The following HIKESHI variants were observed in gnomAD, a reference collection of about 807,000 sequenced individuals.
HIKESHI encodes heat shock protein nuclear import factor hikeshi, also known as protein Hikeshi.
HIKESHI carries 13 observed loss-of-function variants against 25.7 expected under a neutral mutation model. The observed-to-expected ratio is 0.51, with a 90% CI of 0.33 to 0.80. The LOEUF (loss-of-function observed/expected upper bound fraction) is 0.80. HIKESHI is among the 30% of genes least tolerant of loss of function. The probability of loss-of-function intolerance (pLI) is 0.02; values close to 1 mark genes in which losing one functional copy is unlikely to be tolerated. For synonymous variants in HIKESHI, 76 were observed against 78.7 expected, an observed-to-expected ratio of 0.97 and a Z score of 0.18; for missense variants, 174 against 229.5, an observed-to-expected ratio of 0.76 and a Z score of 1.56.
At chr11:86,315,167 A>G (rs1230336735) in intron 2 of HIKESHI, among the ~76,000 whole-genome samples, 2 of 152,212 alleles carry the variant, frequency 1.3e-5, no homozygotes, top group Non-Finnish European at 2.9e-5. Flanking sequence ...TTCTAGTAAA[A>G]TTACTGAACA....
intron 2 of HIKESHI, among the ~76,000 whole-genome samples, chr11:86,331,982 CTTT>C (rs796831448): frequency 6.2e-5 from 8 of 129,502 alleles, no homozygotes; most frequent in Non-Finnish European, 6.7e-5. Context: ...GTTTTCTTTT[CTTT>C]TTTTTTTTTT....
intron 2 of HIKESHI, among the ~76,000 whole-genome samples, chr11:86,320,440 C>T (rs1165418426): frequency 1.3e-5 from 2 of 151,956 alleles, no homozygotes; most frequent in Non-Finnish European, 2.9e-5. Flanking sequence ...GCTGGGCGTG[C>T]TGGCAGGCGC....
At chr11:86,339,506 T>C (rs1407195450) in intron 3 of HIKESHI, among the ~76,000 whole-genome samples, 1 of 152,236 alleles carries the variant, frequency 6.6e-6, no homozygotes, top group Non-Finnish European at 1.5e-5. Flanking sequence ...TTGCCACTAA[T>C]TTTTAAAAAA....
intron 2 of HIKESHI, among the ~76,000 whole-genome samples, chr11:86,333,575 G>C (rs1947475201): frequency 6.7e-6 from 1 of 149,658 alleles, no homozygotes; most frequent in Non-Finnish European, 1.5e-5. Flanking sequence ...AAAAAGAAAA[G>C]AAATATGGTA....
chr11:86,306,265 A>G lies in HIKESHI; in HGVS notation c.51A>G (p.Gln17=). The part of the protein sequence containing the change: ...AGRLVQTAAQ[Q]VAEDKFVFDL... ...TCTAGGTGCAAACAGCTGCACAGCA[A>G]GTGGCAGAGGATAAATTTGTTTTTG... is the stretch of plus-strand genomic sequence containing the variant. Residue 17 remains glutamine (Q), a synonymous_variant, in exon 2 of 5, where the codon CAA becomes CAG. Coordinates refer to ENST00000278483, the MANE Select transcript of HIKESHI (RefSeq NM_016401.4). 6.2e-7 allele frequency: 1 copy of G among 1,613,270 alleles called. No homozygotes were observed. Among genetic ancestry groups the G allele is most frequent in the Non-Finnish European group, 8.5e-7 (1 of 1,179,236 alleles).
chr11:86,345,834 T>C lies in HIKESHI; in HGVS notation c.*196T>C. The C allele has an allele frequency of 2.8e-6, 1 of 360,966 alleles. No homozygotes were observed. The highest frequency in any genetic ancestry group is 4.9e-6 in the Non-Finnish European group (1 of 203,154). 22.4% of individuals were successfully genotyped at this position (360,966 alleles called of 1,614,324 possible). A position where few individuals can be genotyped will look rare whatever the true frequency, so the allele number is the denominator to read the frequency against. On this transcript the variant is annotated 3_prime_UTR_variant, in exon 5 of 5. Transcript: ENST00000278483. ...AAATATGTTCATCATTAAAGACTTT[T>C]TTCCCCTTAAGCTTAAAATACCATT...
chr11:86,337,305 T>A lies in HIKESHI; in HGVS notation c.269-74T>A. The A allele has an allele frequency of 2.8e-6, 4 of 1,414,718 alleles. No individual in the cohort carries two copies. The South Asian group carries it at 5.8e-5, about 20-fold the overall frequency. 87.6% of individuals were successfully genotyped at this position (1,414,718 alleles called of 1,614,324 possible). ...TTCATGTATATAAATTAGAGGTTCTTTATAAATTTACAAAGGAAATTGTGT... is the reference window on the plus strand; with the variant it reads ...TTCATGTATATAAATTAGAGGTTCTATATAAATTTACAAAGGAAATTGTGT... On this transcript the variant is annotated intron_variant, in intron 2 of 4. Transcript: ENST00000278483.
chr11:86,336,511 C>A (rs2138404353), intron 2 of HIKESHI, among the ~76,000 whole-genome samples: 1 of 152,238 alleles, frequency 6.6e-6, no homozygotes, highest in East Asian at 1.9e-4. Context: ...AGTGAGAAGG[C>A]ACTGTCTGAA....
At chr11:86,303,610 C>G (rs1023208986) in intron 1 of HIKESHI, 2 of 157,006 alleles carry the variant, frequency 1.3e-5, no homozygotes, top group East Asian at 3.8e-4. Context: ...GTATCTCTCA[C>G]GTTGTCAACT....
At chr11:86,337,968 T>G (rs1346976328) in intron 3 of HIKESHI, among the ~76,000 whole-genome samples, 3 of 152,264 alleles carry the variant, frequency 2.0e-5, no homozygotes, top group Non-Finnish European at 4.4e-5. Flanking sequence ...CAGCCTATAT[T>G]TTGACATAAA....
intron 2 of HIKESHI, among the ~76,000 whole-genome samples, chr11:86,321,755 C>A (rs768581531): frequency 6.6e-6 from 1 of 152,154 alleles, no homozygotes; most frequent in Non-Finnish European, 1.5e-5. Flanking sequence ...GTCTCGAACT[C>A]CTGACCTCAG....
intron 3 of HIKESHI, among the ~76,000 whole-genome samples, chr11:86,342,477 T>TTGTGTGTGTG (rs1947757130): frequency 9.9e-6 from 1 of 100,512 alleles, no homozygotes; most frequent in East Asian, 3.2e-4. Flanking sequence ...ATAAAGATGT[T>TTGTGTGTGTG]CGTGTGTGTG....
At chr11:86,333,966 A>C (rs1947483196) in intron 2 of HIKESHI, among the ~76,000 whole-genome samples, 1 of 152,258 alleles carries the variant, frequency 6.6e-6, no homozygotes, top group Non-Finnish European at 1.5e-5. Flanking sequence ...AAAGAACAAG[A>C]TACAACCATA....
intron 2 of HIKESHI, among the ~76,000 whole-genome samples, chr11:86,308,559 T>TTTTTTTTATTTATTTATTTATTTA (rs1555183542): frequency 1.4e-5 from 2 of 142,534 alleles, no homozygotes; most frequent in Admixed American, 7.4e-5. Context: ...CCATAATTCT[T>TTTTTTTTATTTATTTATTTATTTA]TTTATTTATT....
At chr11:86,321,184 T>C (rs1341916322) in intron 2 of HIKESHI, among the ~76,000 whole-genome samples, 1 of 152,114 alleles carries the variant, frequency 6.6e-6, no homozygotes, top group East Asian at 1.9e-4. Flanking sequence ...CCACCCGCCT[T>C]GGCCTCCCAA....
chr11:86,333,533 T>TCAACAA (rs1246181026), intron 2 of HIKESHI, among the ~76,000 whole-genome samples: 1 of 143,972 alleles, frequency 6.9e-6, no homozygotes, highest in Non-Finnish European at 1.5e-5. Flanking sequence ...AGACTCTGTC[T>TCAACAA]CAACAACAAC....
intron 1 of HIKESHI, among the ~76,000 whole-genome samples, chr11:86,305,529 G>A (rs1440677164): frequency 6.7e-6 from 1 of 149,682 alleles, no homozygotes; most frequent in African/African-American, 2.5e-5. Flanking sequence ...TGGGATTACA[G>A]GCACGTGCCA....
At position 86,302,286 on chromosome 11, in the gene HIKESHI, G is replaced by A. The variant is rs1593793115; in HGVS notation, c.-163G>A. 5.2e-6 allele frequency: 4 copies of A among 770,722 alleles called. No homozygotes were observed. The East Asian group carries it at 1.1e-4, about 21-fold the overall frequency. The allele number at this position is 770,722 out of a possible 1,614,324, so 47.7% of individuals were successfully genotyped here. A position where few individuals can be genotyped will look rare whatever the true frequency, so the allele number is the denominator to read the frequency against. ...TTAGGAAGAGAAGGTCAGAGTTCGC[G>A]GGGGCAGAGGCATTCTTGCCGCTGG... is the stretch of plus-strand genomic sequence containing the variant. On this transcript the variant is annotated 5_prime_UTR_variant, in exon 1 of 5. Coordinates refer to ENST00000278483, the MANE Select transcript of HIKESHI (RefSeq NM_016401.4).
chr11:86,344,595 CT>C lies in HIKESHI; in HGVS notation c.421-4del. The C allele has an allele frequency of 6.7e-7, 1 of 1,498,786 alleles. No individual in the cohort carries two copies. Among genetic ancestry groups the C allele is most frequent in the Non-Finnish European group, 9.2e-7 (1 of 1,081,636 alleles). 92.8% of individuals were successfully genotyped at this position (1,498,786 alleles called of 1,614,324 possible). On this transcript the variant is annotated splice_polypyrimidine_tract_variant and splice_region_variant and intron_variant, in intron 3 of 4. Coordinates refer to ENST00000278483, the MANE Select transcript of HIKESHI (RefSeq NM_016401.4). ...GTATAATCCATTAATCTATTATTAA[CT>C]TTTCAGTTCACACAAAAGATGTTGG...
Sources: gnomAD v4.1 joint callset for allele counts (sites outside exome capture counted in the v4.1 genomes callset) on GRCh38, gnomAD v4.1.1 for gene constraint, MANE v1.5 for transcripts, NCBI Gene and HGNC (gene_info 2026-07-23, HGNC 2026-07-21) for gene names.